Variants in EPHA7 observed in about 807,000 individuals in gnomAD.
The protein encoded by EPHA7 is EPH receptor A7.
A neutral mutation model predicts 112.6 loss-of-function variants in EPHA7; 25 were observed. The ratio of observed to expected loss-of-function variants is 0.22; its 90% CI spans 0.16 to 0.31. The LOEUF is 0.31. EPHA7 is among the 10% of genes least tolerant of loss of function. The pLI is 1.00. For synonymous variants in EPHA7, 437 were observed against 406.5 expected (o/e 1.07, Z -0.90); for missense variants, 962 against 1,212.6 (o/e 0.79, Z 3.07).
intron 6 of EPHA7, among the ~76,000 whole-genome samples, chr6:93,269,962 G>C (rs950685003): frequency 6.6e-6 from 1 of 151,578 alleles, no homozygotes; most frequent in Non-Finnish European, 1.5e-5. Context: ...ATATCCTATT[G>C]GTCAAACAGT....
In EPHA7 at chr6:93,358,353, T is replaced by C. The variant is rs529959372; in HGVS notation, c.891A>G (p.Pro297=). The C allele has an allele frequency of 1.4e-5, 22 of 1,613,122 alleles. No individual in the cohort carries two copies. In the East Asian group the frequency reaches 4.0e-4, roughly 29 times the overall value. The change falls in exon 4 of 17, where the codon CCA becomes CCG. Residue 297 remains proline, a synonymous_variant. Coordinates refer to ENST00000369303, the MANE Select transcript of EPHA7 (RefSeq NM_004440.4). ...SSQDLQCSRC[P]THSFSDKEGS... Reference sequence around the variant, plus strand: ...CTTCTTTATCAGAAAAACTGTGAGTTGGACAACGAGAGCACTGAAGATCTT... The same window carrying C: ...CTTCTTTATCAGAAAAACTGTGAGTCGGACAACGAGAGCACTGAAGATCTT...
At chr6:93,287,871 C>T (rs1262680959) in intron 5 of EPHA7, among the ~76,000 whole-genome samples, 2 of 152,012 alleles carry the variant, frequency 1.3e-5, no homozygotes, top group East Asian at 1.9e-4. Flanking sequence ...CAGATTAAAC[C>T]TACAGTAAGA....
intron 14 of EPHA7, among the ~76,000 whole-genome samples, chr6:93,247,437 C>A (rs764883658): frequency 3.1e-4 from 47 of 152,102 alleles, no homozygotes; most frequent in Admixed American, 9.8e-4. Context: ...TATGAATGTA[C>A]TATGACAGAA....
intron 5 of EPHA7, among the ~76,000 whole-genome samples, chr6:93,345,891 G>A (rs1456335789): frequency 6.6e-6 from 1 of 151,516 alleles, no homozygotes; most frequent in Admixed American, 6.6e-5. Flanking sequence ...CAGATTGCTT[G>A]TCTGGATCAA....
chr6:93,365,644 G>C (rs1776469697), intron 3 of EPHA7, among the ~76,000 whole-genome samples: 2 of 152,138 alleles, frequency 1.3e-5, no homozygotes, highest in African/African-American at 4.8e-5. Flanking sequence ...TTTTCACGTT[G>C]AGAATGAACA....
intron 11 of EPHA7, 51 bp from the exon 12 acceptor site, chr6:93,257,574 C>T (rs1314220379): frequency 8.4e-7 from 1 of 1,196,882 alleles, no homozygotes; most frequent in Non-Finnish European, 1.2e-6. Flanking sequence ...GCTGGAGGGT[C>T]ATTTCCTTTC....
At position 93,401,816 on chromosome 6, in the gene EPHA7, T is replaced by G. The variant is rs113248174; in HGVS notation, c.832+8685A>C. ...TTCATGTATCATATTTGTATGGACA[T>G]AGAGAAAAATATCAAATATATAGCT... On this transcript the variant is annotated intron_variant, in intron 3 of 16. Transcript: ENST00000369303. Among the ~76,000 whole-genome samples the G allele has an allele frequency of 9.4e-3, 1,430 of 152,012 alleles. 20 individuals are homozygous for G. Among genetic ancestry groups the G allele is most frequent in the African/African-American group, 0.032 (1,343 of 41,534 alleles).
chr6:93,298,924 C>T (rs1370896556), intron 5 of EPHA7, among the ~76,000 whole-genome samples: 1 of 151,990 alleles, frequency 6.6e-6, no homozygotes, highest in African/African-American at 2.4e-5. Context: ...GAATATCCAG[C>T]ATTCATAAGG....
At chr6:93,334,088 C>T (rs965489612) in intron 5 of EPHA7, among the ~76,000 whole-genome samples, 2 of 151,556 alleles carry the variant, frequency 1.3e-5, no homozygotes, top group Non-Finnish European at 3.0e-5. Flanking sequence ...AATAGAGAGC[C>T]CAGAAATAAA....
rs1016088845 is a variant in EPHA7, at chr6:93,298,403, C to T, written c.1325-25981G>A. Among the ~76,000 whole-genome samples, 41 of 151,900 alleles carry T rather than the reference C, an allele frequency of 2.7e-4. 1 individual carries two copies. The highest frequency in any genetic ancestry group is 8.8e-5 in the Non-Finnish European group (6 of 67,954). On this transcript the variant is annotated intron_variant, in intron 5 of 16. Coordinates refer to ENST00000369303, the MANE Select transcript of EPHA7 (RefSeq NM_004440.4). ...AGGCTTTCAAACATCATATCAGAGC[C>T]ATAAACCATTAAGCAAAAGATAGAC...
chr6:93,326,867 CTAAGA>C (rs1282545388), intron 5 of EPHA7, among the ~76,000 whole-genome samples: 3 of 151,526 alleles, frequency 2.0e-5, no homozygotes, highest in Non-Finnish European at 4.4e-5. Context: ...AAAGAACTTT[CTAAGA>C]TATAAAGCTG....
intron 3 of EPHA7, among the ~76,000 whole-genome samples, chr6:93,397,645 C>T (rs1174205917): frequency 6.6e-6 from 1 of 151,848 alleles, no homozygotes; most frequent in Non-Finnish European, 1.5e-5. Context: ...GTCAACATTC[C>T]ATTGGATTCC....
chr6:93,418,091 G>A (rs955925234), intron 1 of EPHA7, among the ~76,000 whole-genome samples: 1 of 151,394 alleles, frequency 6.6e-6, no homozygotes, highest in African/African-American at 2.4e-5. Context: ...TCAGGAATAA[G>A]TAATTATTTC....
At chr6:93,323,707 A>C (rs1774182725) in intron 5 of EPHA7, among the ~76,000 whole-genome samples, 1 of 151,482 alleles carries the variant, frequency 6.6e-6, no homozygotes, top group African/African-American at 2.4e-5. Context: ...CTCTACCCTT[A>C]ACTGATCATA....
chr6:93,324,769 G>A (rs995463993), intron 5 of EPHA7, among the ~76,000 whole-genome samples: 4 of 151,358 alleles, frequency 2.6e-5, no homozygotes, highest in African/African-American at 9.7e-5. Flanking sequence ...TTATCACCAA[G>A]GCAAACAAAC....
chr6:93,283,886 T>C (rs1401929242), intron 5 of EPHA7, among the ~76,000 whole-genome samples: 1 of 152,196 alleles, frequency 6.6e-6, no homozygotes, highest in Non-Finnish European at 1.5e-5. Context: ...AGATATATAA[T>C]ATGCATCTAC....
intron 5 of EPHA7, among the ~76,000 whole-genome samples, chr6:93,326,912 T>A (rs1329132392): frequency 1.3e-5 from 2 of 151,644 alleles, no homozygotes; most frequent in African/African-American, 4.8e-5. Flanking sequence ...CTTCTTAGTT[T>A]TCTCCAACTT....
intron 7 of EPHA7, among the ~76,000 whole-genome samples, chr6:93,266,007 T>C (rs1247743556): frequency 6.6e-6 from 1 of 151,646 alleles, no homozygotes; most frequent in African/African-American, 2.4e-5. Context: ...AATAGATACT[T>C]TCTGAACAAA....
intron 7 of EPHA7, among the ~76,000 whole-genome samples, chr6:93,267,977 G>A (rs893706746): frequency 3.3e-5 from 5 of 151,414 alleles, no homozygotes; most frequent in African/African-American, 1.2e-4. Flanking sequence ...GAATTTACAG[G>A]GTGATATTAT....
Sources: gnomAD v4.1 joint callset for allele counts (sites outside exome capture counted in the v4.1 genomes callset) on GRCh38, gnomAD v4.1.1 for gene constraint, MANE v1.5 for transcripts, NCBI Gene and HGNC (gene_info 2026-07-23, HGNC 2026-07-21) for gene names.